Variants in CDH13 observed in about 807,000 individuals in gnomAD.
CDH13 encodes the protein cadherin-13.
Under a neutral mutation model 63.8 loss-of-function variants are expected in CDH13, and 24 were observed. The ratio of observed to expected loss-of-function variants is 0.38; its 90% CI spans 0.27 to 0.53. CDH13 has a LOEUF of 0.53. CDH13 is among the 20% of genes least tolerant of loss of function. CDH13 has a pLI of 0.85. For missense variants in CDH13, 1,049 were observed against 903.1 expected (o/e 1.16, Z -2.07); for synonymous variants, 503 against 355.3 (o/e 1.42, Z -4.67).
intron 1 of CDH13, among the ~76,000 whole-genome samples, chr16:82,724,273 G>T (rs890307439): frequency 6.6e-6 from 1 of 151,494 alleles, no homozygotes; most frequent in Non-Finnish European, 1.5e-5. Flanking sequence ...GCATCCTTCC[G>T]TCCATCCATC....
At chr16:83,674,753 C>T (rs1914812767) in intron 9 of CDH13, among the ~76,000 whole-genome samples, 2 of 152,234 alleles carry the variant, frequency 1.3e-5, no homozygotes, top group South Asian at 2.1e-4. Context: ...GTGTCGGCTT[C>T]GTCTTTAAAA....
chr16:82,728,163 C>T (rs1442298090), intron 1 of CDH13, among the ~76,000 whole-genome samples: 1 of 152,118 alleles, frequency 6.6e-6, no homozygotes, highest in African/African-American at 2.4e-5. Context: ...CAAAGCACTC[C>T]AAAAATGTTC....
intron 9 of CDH13, among the ~76,000 whole-genome samples, chr16:83,677,191 C>T (rs184066324): frequency 4.3e-4 from 66 of 152,326 alleles, no homozygotes; most frequent in Non-Finnish European, 7.5e-4. Context: ...CATGTGCTCT[C>T]GTGGTTGGGA....
intron 1 of CDH13, chr16:82,825,483 C>G (rs2038200213): frequency 6.6e-6 from 1 of 151,544 alleles, no homozygotes. Context: ...GTGTTTTTAT[C>G]TAGTGAGAAC....
chr16:83,774,978 A>T (rs1212500066), intron 11 of CDH13, among the ~76,000 whole-genome samples: 1 of 149,774 alleles, frequency 6.7e-6, no homozygotes, highest in Admixed American at 7.4e-5. Context: ...AGAACAGCTC[A>T]TAAGAAGGAA....
At chr16:82,713,213 C>G (rs906254949) in intron 1 of CDH13, among the ~76,000 whole-genome samples, 1 of 152,168 alleles carries the variant, frequency 6.6e-6, no homozygotes, top group African/African-American at 2.4e-5. Flanking sequence ...CCTGCAGTTT[C>G]TCCAGCCTGG....
At chr16:82,767,350 G>A (rs2035094234) in intron 1 of CDH13, among the ~76,000 whole-genome samples, 1 of 152,126 alleles carries the variant, frequency 6.6e-6, no homozygotes, top group South Asian at 2.1e-4. Context: ...TTCTATCTTG[G>A]ATTAGTTTTA....
intron 6 of CDH13, among the ~76,000 whole-genome samples, chr16:83,484,484 A>G (rs2073842455): frequency 1.3e-5 from 2 of 152,270 alleles, no homozygotes; most frequent in South Asian, 4.1e-4. Context: ...TGGTAGCAAT[A>G]CAATTGCTAT....
intron 13 of CDH13, among the ~76,000 whole-genome samples, chr16:83,789,806 T>G (rs1916139332): frequency 6.6e-6 from 1 of 151,976 alleles, no homozygotes; most frequent in African/African-American, 2.4e-5. Flanking sequence ...TACTGCCCAT[T>G]TTTGTAAATA....
chr16:82,682,603 T>C (rs966312702), intron 1 of CDH13, among the ~76,000 whole-genome samples: 2 of 152,260 alleles, frequency 1.3e-5, no homozygotes, highest in Admixed American at 1.3e-4. Context: ...ATATCTACAC[T>C]ATGTAATTAC....
intron 5 of CDH13, among the ~76,000 whole-genome samples, chr16:83,225,225 C>G (rs546734985): frequency 1.3e-5 from 2 of 152,142 alleles, no homozygotes; most frequent in African/African-American, 2.4e-5. Flanking sequence ...GGCAGCTGAC[C>G]TGATCACTAA....
At chr16:82,671,699 C>T (rs1046738987) in intron 1 of CDH13, among the ~76,000 whole-genome samples, 4 of 152,180 alleles carry the variant, frequency 2.6e-5, no homozygotes, top group Admixed American at 6.5e-5. Context: ...ATTTTAACTT[C>T]GTGCCCAAGC....
At chr16:83,398,729 A>T (rs2091924392) in intron 6 of CDH13, among the ~76,000 whole-genome samples, 1 of 152,168 alleles carries the variant, frequency 6.6e-6, no homozygotes, top group Non-Finnish European at 1.5e-5. Flanking sequence ...GAGAGCTTGG[A>T]CTGCTGCTCC....
Position 82,644,429 on chromosome 16 carries a change from T to C in CDH13, c.45+17292T>C, listed in dbSNP as rs1472110027. On this transcript the variant is annotated intron_variant, in intron 1 of 13. Coordinates refer to ENST00000567109, the MANE Select transcript of CDH13 (RefSeq NM_001257.5). The surrounding 1 kb of genome is among the most constrained non-coding windows in gnomAD (Gnocchi z 5.7). ...CCATGGAACGTACTCCTGTCTGCCC[T>C]CACTCGTGGGTTGATGATTTCTATC... Among the ~76,000 whole-genome samples, 15 of 152,136 alleles carry C rather than the reference T, an allele frequency of 9.9e-5. No homozygotes were observed. In the East Asian group the frequency reaches 2.9e-3, roughly 29 times the overall value.
intron 2 of CDH13, among the ~76,000 whole-genome samples, chr16:83,010,099 C>T (rs910461997): frequency 7.4e-6 from 1 of 135,298 alleles, no homozygotes; most frequent in Non-Finnish European, 1.5e-5. Context: ...CACACCATTG[C>T]ACTCCAGGCT....
At chr16:83,236,113 C>T (rs1026695487) in intron 5 of CDH13, among the ~76,000 whole-genome samples, 7 of 152,090 alleles carry the variant, frequency 4.6e-5, no homozygotes, top group Admixed American at 1.3e-4. Context: ...AGTATGTGGA[C>T]GCTCTACTTC....
chr16:82,789,099 C>A (rs927446107), intron 1 of CDH13, among the ~76,000 whole-genome samples: 1 of 152,162 alleles, frequency 6.6e-6, no homozygotes, highest in Non-Finnish European at 1.5e-5. Context: ...GCTGATAAGG[C>A]AATTTTCACC....
At chr16:82,911,293 A>T (rs766418059) in intron 2 of CDH13, among the ~76,000 whole-genome samples, 3 of 152,234 alleles carry the variant, frequency 2.0e-5, no homozygotes, top group Non-Finnish European at 4.4e-5. Context: ...GTTTATGGCA[A>T]CATCAAGGAA....
chr16:83,593,174 CT>C (rs1906923688), intron 7 of CDH13, among the ~76,000 whole-genome samples: 1 of 152,196 alleles, frequency 6.6e-6, no homozygotes, highest in Non-Finnish European at 1.5e-5. Flanking sequence ...TGCAAGGACG[CT>C]TGTGATGCCC....
Sources: allele counts gnomAD v4.1 joint callset (sites outside exome capture counted in the v4.1 genomes callset), GRCh38; gene constraint gnomAD v4.1.1; non-coding constraint Gnocchi (gnomAD v3.1); transcripts MANE v1.5; gene names NCBI Gene and HGNC (gene_info 2026-07-23, HGNC 2026-07-21).